Variants in EEFSEC observed in about 807,000 individuals in gnomAD.
EEFSEC encodes eukaryotic elongation factor, selenocysteine-tRNA specific, also known as selenocysteine-specific elongation factor.
EEFSEC carries 43 observed loss-of-function variants against 42.1 expected under a neutral mutation model. The ratio of observed to expected loss-of-function variants is 1.02; its 90% CI spans 0.80 to 1.32. The LOEUF (loss-of-function observed/expected upper bound fraction) is 1.32, where lower values mean the gene tolerates loss of function less well. EEFSEC is among the 40% of genes most tolerant of loss of function. The pLI is 0.00. For missense variants in EEFSEC, 745 were observed against 803.6 expected (o/e 0.93, Z 0.88); for synonymous variants, 354 against 339.1 (o/e 1.04, Z -0.48).
At chr3:128,211,711 T>C (rs2065757759) in intron 1 of EEFSEC, among the ~76,000 whole-genome samples, 2 of 151,802 alleles carry the variant, frequency 1.3e-5, no homozygotes, top group South Asian at 2.1e-4. Context: ...AGACTGGGTT[T>C]CACCATATTG....
At chr3:128,159,683 C>T (rs1944445402) in intron 1 of EEFSEC, among the ~76,000 whole-genome samples, 1 of 152,202 alleles carries the variant, frequency 6.6e-6, no homozygotes, top group Admixed American at 6.5e-5. Context: ...ATTTCTCTTC[C>T]TCCAGTGGGC....
At chr3:128,250,680 C>A (rs1473902207) in intron 2 of EEFSEC, among the ~76,000 whole-genome samples, 1 of 152,124 alleles carries the variant, frequency 6.6e-6, no homozygotes, top group South Asian at 2.1e-4. Context: ...TATGACTCTT[C>A]TCTCTTTGTT....
rs765067707 is a variant in EEFSEC at position 128,264,648 on chromosome 3, G to C, written c.653G>C (p.Arg218Thr). The C allele has an allele frequency of 6.2e-7, 1 of 1,613,980 alleles. No individual in the cohort carries two copies. The highest frequency in any genetic ancestry group is 8.5e-7 in the Non-Finnish European group (1 of 1,179,954). Reference protein sequence around the residue: ...LLTSQISIPTRDPSGPFLMSV... With the variant: ...LLTSQISIPTTDPSGPFLMSV... ...ACGTCCCAGATTTCCATCCCAACGA[G>C]AGATCCCTCGGGACCGTTCCTCATG... Residue 218 changes from arginine to threonine, a missense_variant, in exon 4 of 7, where the codon AGA becomes ACA. Arg to Thr is a moderately conservative substitution (Grantham distance 71). Coordinates refer to ENST00000254730, the MANE Select transcript of EEFSEC (RefSeq NM_021937.5).
chr3:128,168,036 G>A lies in EEFSEC; in HGVS notation c.316+14213G>A, dbSNP rs536450300. 2.0e-5 allele frequency among the ~76,000 whole-genome samples: 3 copies of A among 152,308 alleles called. No individual in the cohort carries two copies. The South Asian group carries it at 6.2e-4, about 32-fold the overall frequency. ...CCTGCTGGGGCTTTCAAAGAGCATT[G>A]TCTAGGGCGTCTGTTTTCACTTTGC... is the stretch of plus-strand genomic sequence containing the variant. On this transcript the variant is annotated intron_variant, in intron 1 of 6. Transcript: ENST00000254730.
intron 6 of EEFSEC, among the ~76,000 whole-genome samples, chr3:128,390,261 C>T (rs2067892264): frequency 6.6e-6 from 1 of 152,248 alleles, no homozygotes; most frequent in Non-Finnish European, 1.5e-5. Context: ...CTCATTCATC[C>T]TCTCACCTGT....
chr3:128,409,848 C>T (rs959502589), downstream of EEFSEC, among the ~76,000 whole-genome samples: 3 of 152,204 alleles, frequency 2.0e-5, no homozygotes, highest in Non-Finnish European at 4.4e-5. Flanking sequence ...CTGTGCCCCA[C>T]GGCCTCCTCA....
downstream of EEFSEC, among the ~76,000 whole-genome samples, chr3:128,411,784 G>A (rs190174284): frequency 2.6e-5 from 4 of 152,350 alleles, no homozygotes; most frequent in East Asian, 1.9e-4. Context: ...AATAGATAAC[G>A]TCTCGTAAAC....
chr3:128,418,450 C>T, the EEFSEC span, among the ~76,000 whole-genome samples: 2 of 152,074 alleles, frequency 1.3e-5, no homozygotes, highest in South Asian at 4.2e-4. Flanking sequence ...AGGCCCAGGC[C>T]TTCTTCCAAC....
chr3:128,347,436 T>A (rs2067326390), intron 5 of EEFSEC, among the ~76,000 whole-genome samples: 3 of 152,152 alleles, frequency 2.0e-5, no homozygotes, highest in Non-Finnish European at 4.4e-5. Flanking sequence ...GTATCCTGTT[T>A]CAAAGTAAAA....
intron 1 of EEFSEC, among the ~76,000 whole-genome samples, chr3:128,159,330 G>C (rs1327734202): frequency 2.0e-5 from 3 of 152,180 alleles, no homozygotes; most frequent in Non-Finnish European, 2.9e-5. Context: ...TCACCTCATG[G>C]TCCACAAACT....
At chr3:128,199,658 T>C (rs2065622495) in intron 1 of EEFSEC, among the ~76,000 whole-genome samples, 1 of 152,250 alleles carries the variant, frequency 6.6e-6, no homozygotes, top group South Asian at 2.1e-4. Context: ...TGGAAATTGT[T>C]GGGGCAGTTG....
chr3:128,208,270 C>T (rs1170642780), intron 1 of EEFSEC, among the ~76,000 whole-genome samples: 3 of 152,112 alleles, frequency 2.0e-5, no homozygotes, highest in East Asian at 1.9e-4. Flanking sequence ...TTTTTTGTTG[C>T]GGATTTCACT....
At chr3:128,336,688 G>A (rs1274084272) in intron 4 of EEFSEC, among the ~76,000 whole-genome samples, 2 of 152,186 alleles carry the variant, frequency 1.3e-5, no homozygotes, top group Non-Finnish European at 2.9e-5. Flanking sequence ...CCTCCTCAGG[G>A]AAGTCCTCCC....
intron 6 of EEFSEC, among the ~76,000 whole-genome samples, chr3:128,375,937 G>A (rs1425147753): frequency 6.6e-6 from 1 of 152,180 alleles, no homozygotes; most frequent in Non-Finnish European, 1.5e-5. Context: ...TAAGCTAGAT[G>A]GGGCTGAGAA....
intron 4 of EEFSEC, among the ~76,000 whole-genome samples, chr3:128,304,356 C>A (rs2066803853): frequency 6.6e-6 from 1 of 151,572 alleles, no homozygotes; most frequent in Admixed American, 6.6e-5. Flanking sequence ...CAAATAGATC[C>A]TGTACATTTC....
At chr3:128,199,882 C>T (rs1032217985) in intron 1 of EEFSEC, among the ~76,000 whole-genome samples, 16 of 151,656 alleles carry the variant, frequency 1.1e-4, no homozygotes, top group Middle Eastern at 3.4e-3. Context: ...TACAGGCGCA[C>T]GCCACCACGC....
chr3:128,404,186 T>C (rs925691340), intron 6 of EEFSEC, among the ~76,000 whole-genome samples: 3 of 152,222 alleles, frequency 2.0e-5, no homozygotes, highest in Non-Finnish European at 4.4e-5. Context: ...ACAAAGCAGC[T>C]CCTGGTGACA....
intron 6 of EEFSEC, among the ~76,000 whole-genome samples, chr3:128,372,552 G>A (rs1272619401): frequency 6.6e-6 from 1 of 152,202 alleles, no homozygotes; most frequent in Non-Finnish European, 1.5e-5. Context: ...TAGGTGCTGG[G>A]GGTACAGAGG....
intron 1 of EEFSEC, among the ~76,000 whole-genome samples, chr3:128,200,338 G>A (rs1262727157): frequency 2.6e-5 from 4 of 152,078 alleles, no homozygotes; most frequent in African/African-American, 9.7e-5. Flanking sequence ...GCCCAGGCTG[G>A]AGTGCAATGG....
Sources: allele counts gnomAD v4.1 joint callset (sites outside exome capture counted in the v4.1 genomes callset), GRCh38; gene constraint gnomAD v4.1.1; transcripts MANE v1.5; gene names NCBI Gene and HGNC (gene_info 2026-07-23, HGNC 2026-07-21).